ARPC3: variants seen among roughly 807,000 people sequenced by gnomAD.
ARPC3 encodes the protein actin-related protein 2/3 complex subunit 3.
Under a neutral mutation model 27.6 loss-of-function variants are expected in ARPC3, and 12 were observed. The ratio of observed to expected loss-of-function variants is 0.43; its 90% CI spans 0.28 to 0.70. The LOEUF is 0.70. Ranked by LOEUF, ARPC3 falls within the 30% of genes least tolerant of loss-of-function variation. ARPC3 has a pLI of 0.17. For synonymous variants in ARPC3, 53 were observed against 67.2 expected (o/e 0.79, Z 1.03); for missense variants, 153 against 207.7 (o/e 0.74, Z 1.62).
intron 2 of ARPC3, chr12:110,443,123 C>G (rs139553346): frequency 6.8e-6 from 1 of 146,124 alleles, no homozygotes; most frequent in African/African-American, 2.5e-5. Flanking sequence ...TTGCAATTTA[C>G]TTTTTTTTTT....
chr12:110,450,119 C>T (rs2062492950), intron 1 of ARPC3, 136 bp downstream of exon 1: 1 of 1,312,138 alleles, frequency 7.6e-7, no homozygotes, highest in South Asian at 1.3e-5. Flanking sequence ...AACCGGTCCC[C>T]TCCCCTCGCC....
chr12:110,446,100 C>CAA (rs1354211600), intron 1 of ARPC3, among the ~76,000 whole-genome samples: 2 of 95,590 alleles, frequency 2.1e-5, no homozygotes, highest in African/African-American at 3.9e-5. Flanking sequence ...AAGACTGTCT[C>CAA]AAAAAAAAAA....
At chr12:110,438,322 G>A (rs1468223619) in intron 3 of ARPC3, among the ~76,000 whole-genome samples, 10 of 147,552 alleles carry the variant, frequency 6.8e-5, no homozygotes, top group Middle Eastern at 3.8e-3. Flanking sequence ...AAAAAAGGCC[G>A]GGTGCGGTGG....
intron 5 of ARPC3, 141 bp from the exon 6 acceptor site, chr12:110,436,345 TTATAAC>T (rs1324819872): frequency 2.5e-5 from 27 of 1,090,768 alleles, no homozygotes; most frequent in Middle Eastern, 2.1e-4. Flanking sequence ...CCAGATAGTT[TTATAAC>T]TATATTTGTT....
intron 4 of ARPC3, 185 bp downstream of exon 4, chr12:110,436,899 G>C (rs2062409321): frequency 3.0e-6 from 2 of 668,428 alleles, no homozygotes; most frequent in Non-Finnish European, 5.2e-6. Context: ...TTTTATCTTT[G>C]TGTCAGTCAA....
At chr12:110,444,346 G>A (rs188012112) in intron 2 of ARPC3, among the ~76,000 whole-genome samples, 93 of 150,336 alleles carry the variant, frequency 6.2e-4, no homozygotes, top group Non-Finnish European at 1.0e-3. Flanking sequence ...GTGCAGTGGT[G>A]CAATCTTGGC....
chr12:110,441,771 C>T (rs1303379920), intron 2 of ARPC3, among the ~76,000 whole-genome samples: 1 of 151,858 alleles, frequency 6.6e-6, no homozygotes, highest in Non-Finnish European at 1.5e-5. Context: ...TGACTCACGC[C>T]TGTAATCCCA....
At chr12:110,436,055 T>C in intron 6 of ARPC3, 55 bp downstream of exon 6, 3 of 1,348,888 alleles carry the variant, frequency 2.2e-6, no homozygotes, top group Non-Finnish European at 1.1e-6. Context: ...TGTTCAATGG[T>C]GGCTATGGGA....
intron 3 of ARPC3, chr12:110,437,425 T>C: frequency 5.4e-6 from 2 of 373,252 alleles, no homozygotes; most frequent in Non-Finnish European, 1.0e-5. Context: ...TGGAGTGCAG[T>C]GGCACAATCT....
chr12:110,436,040 T>G, intron 6 of ARPC3, 70 bp downstream of exon 6: 3 of 1,164,702 alleles, frequency 2.6e-6, no homozygotes, highest in Non-Finnish European at 2.6e-6. Flanking sequence ...TGGAAGACCT[T>G]AGTGTGTTCA....
intron 1 of ARPC3, among the ~76,000 whole-genome samples, chr12:110,445,821 T>C (rs2062461343): frequency 6.6e-6 from 1 of 152,218 alleles, no homozygotes; most frequent in Non-Finnish European, 1.5e-5. Context: ...TAAATGATGT[T>C]GGCTGGACGT....
At position 110,450,274 on chromosome 12, in the gene ARPC3, G is replaced by A. The variant is rs761428190; in HGVS notation, c.-14C>T. On this transcript the variant is annotated 5_prime_UTR_variant, in exon 1 of 7. Transcript: ENST00000228825. ...CCTCACCGGCATCTTGGCGGCGCCC[G>A]GGTTTCAACCCAGAGGAGCAGGATC... 1.4e-5 allele frequency: 22 copies of A among 1,614,052 alleles called. No individual in the cohort carries two copies. Among genetic ancestry groups the A allele is most frequent in the Non-Finnish European group, 1.9e-5 (22 of 1,179,968 alleles).
chr12:110,443,130 T>C, intron 2 of ARPC3: 1 of 152,324 alleles, frequency 6.6e-6, no homozygotes, highest in Non-Finnish European at 1.5e-5. Context: ...TTACTTTTTT[T>C]TTTTTTGAGA....
intron 1 of ARPC3, 129 bp downstream of exon 1, chr12:110,450,126 C>A: frequency 7.3e-7 from 1 of 1,366,618 alleles, no homozygotes; most frequent in Non-Finnish European, 1.0e-6. Context: ...CCCCTCCCCT[C>A]GCCTCCCTCC....
Position 110,436,696 on chromosome 12 carries a change from ATATATAT to A in ARPC3, c.253-20_253-14del, listed in dbSNP as rs754474700. The A allele has an allele frequency of 3.7e-5, 26 of 704,916 alleles. 1 individual carries two copies. The highest frequency in any genetic ancestry group is 2.7e-4 in the African/African-American group (11 of 40,136). The allele number at this position is 704,916 out of a possible 1,614,324, so 43.7% of individuals were successfully genotyped here. A position where few individuals can be genotyped will look rare whatever the true frequency, so the allele number is the denominator to read the frequency against. On this transcript the variant is annotated splice_polypyrimidine_tract_variant and intron_variant, in intron 4 of 6. Coordinates refer to ENST00000228825, the MANE Select transcript of ARPC3 (RefSeq NM_001278556.2). ...TTTTGGAATTGCACTGGAAAAAAAA[ATATATAT>A]ATATATATACACACACACACACACA...
chr12:110,447,886 C>CTTTTTT (rs796202139), intron 1 of ARPC3, among the ~76,000 whole-genome samples: 1 of 107,168 alleles, frequency 9.3e-6, no homozygotes, highest in Non-Finnish European at 1.9e-5. Flanking sequence ...ATTTAGAGTC[C>CTTTTTT]TTTTTTTTTT....
chr12:110,441,138 C>T (rs1001481533), intron 2 of ARPC3, among the ~76,000 whole-genome samples: 1 of 151,670 alleles, frequency 6.6e-6, no homozygotes, highest in Non-Finnish European at 1.5e-5. Flanking sequence ...CCACCGTGCC[C>T]GGCCAAATTT....
At position 110,445,505 on chromosome 12, in the gene ARPC3, T is replaced by C. The variant is rs769780447; in HGVS notation, c.53A>G (p.Asn18Ser). 3.9e-5 allele frequency: 63 copies of C among 1,613,870 alleles called. No individual in the cohort carries two copies. Among genetic ancestry groups the C allele is most frequent in the Non-Finnish European group, 4.9e-5 (58 of 1,179,860 alleles). ...LMDPDTKLIG[N>S]MALLPIRSQF... ...ACTTCTGATAGGCAACAGTGCCATG[T>C]TTCCGATGAGTTTGGTATCAGGATC... Residue 18 changes from asparagine to serine, a missense_variant, in exon 2 of 7, where the codon AAC becomes AGC. Asn to Ser is a conservative substitution (Grantham distance 46, BLOSUM62 1). Transcript: ENST00000228825.
intron 5 of ARPC3, 161 bp from the exon 6 acceptor site, chr12:110,436,365 G>A: frequency 8.6e-7 from 1 of 1,167,374 alleles, no homozygotes; most frequent in Non-Finnish European, 1.2e-6. Flanking sequence ...ATTTGTTTTT[G>A]TTCAAAAGAT....
Sources: gnomAD v4.1 joint callset for allele counts (sites outside exome capture counted in the v4.1 genomes callset) on GRCh38, gnomAD v4.1.1 for gene constraint, MANE v1.5 for transcripts, NCBI Gene and HGNC (gene_info 2026-07-23, HGNC 2026-07-21) for gene names.